Variants in ZBTB46 observed in about 807,000 individuals in gnomAD.
ZBTB46 encodes zinc finger and BTB domain containing 46, also known as zinc finger and BTB domain-containing protein 46.
A neutral mutation model predicts 44.1 loss-of-function variants in ZBTB46; 8 were observed. The observed-to-expected ratio is 0.18, with a 90% confidence interval of 0.11 to 0.33. The LOEUF (loss-of-function observed/expected upper bound fraction) is 0.33. Ranked by LOEUF, ZBTB46 falls within the 10% of genes least tolerant of loss-of-function variation. The pLI is 1.00. For missense variants in ZBTB46, 651 were observed against 847.7 expected, an observed-to-expected ratio of 0.77 and a Z score of 2.88; for synonymous variants, 409 against 382.3, an observed-to-expected ratio of 1.07 and a Z score of -0.81.
intron 1 of ZBTB46, among the ~76,000 whole-genome samples, chr20:63,804,577 C>G (rs1468951151): frequency 6.6e-6 from 1 of 152,142 alleles, no homozygotes; most frequent in Non-Finnish European, 1.5e-5. Context: ...ACAGGCCCAA[C>G]ACATACACTT....
chr20:63,819,862 G>A (rs970099778), intron 1 of ZBTB46, among the ~76,000 whole-genome samples: 29 of 152,130 alleles, frequency 1.9e-4, no homozygotes, highest in Admixed American at 1.9e-3. Flanking sequence ...CCAGCAGAGG[G>A]TGTCTGCTAA....
intron 2 of ZBTB46, among the ~76,000 whole-genome samples, chr20:63,789,495 G>T (rs2092542028): frequency 6.6e-6 from 1 of 152,186 alleles, no homozygotes; most frequent in Non-Finnish European, 1.5e-5. Flanking sequence ...GGGCTGAGGG[G>T]TCCCCTCCCG....
Position 63,775,320 on chromosome 20 carries a change from G to A in ZBTB46, c.1222+358C>T, listed in dbSNP as rs1265489627. The A allele has an allele frequency of 4.7e-5, 10 of 214,580 alleles. No individual in the cohort carries two copies. The South Asian group carries it at 1.7e-3, about 36-fold the overall frequency. 13.3% of individuals were successfully genotyped at this position (214,580 alleles called of 1,614,324 possible). On this transcript the variant is annotated intron_variant, in intron 3 of 4. Transcript: ENST00000245663. ...ACGAAGGCGACAGAGGGGCCGGCAG[G>A]GGGCGCCCGAGCCCGTCTCTGGAGC... is the stretch of plus-strand genomic sequence containing the variant.
chr20:63,817,278 T>C (rs1209587977), intron 1 of ZBTB46, among the ~76,000 whole-genome samples: 1 of 151,918 alleles, frequency 6.6e-6, no homozygotes. Flanking sequence ...TGATGGTGCA[T>C]GCTTGTAGTC....
chr20:63,827,403 C>T (rs1014469048), intron 1 of ZBTB46, among the ~76,000 whole-genome samples: 1 of 151,512 alleles, frequency 6.6e-6, no homozygotes, highest in Non-Finnish European at 1.5e-5. Flanking sequence ...GTCAGGAGAT[C>T]GAGACCATCC....
chr20:63,764,481 T>A (rs1195265832), intron 3 of ZBTB46, among the ~76,000 whole-genome samples: 1 of 152,168 alleles, frequency 6.6e-6, no homozygotes, highest in African/African-American at 2.4e-5. Flanking sequence ...GGTATAGAGT[T>A]CCAGGTTGGC....
chr20:63,800,451 C>A (rs764198461), intron 1 of ZBTB46, among the ~76,000 whole-genome samples: 3 of 152,238 alleles, frequency 2.0e-5, no homozygotes, highest in Non-Finnish European at 4.4e-5. Flanking sequence ...ACCTCAGCGC[C>A]CACTCTGGCT....
At chr20:63,825,158 T>C (rs2146099689) in intron 1 of ZBTB46, among the ~76,000 whole-genome samples, 1 of 151,608 alleles carries the variant, frequency 6.6e-6, no homozygotes, top group Admixed American at 6.6e-5. Flanking sequence ...CCCAGCACTT[T>C]GGGAGACCGA....
chr20:63,824,289 G>A (rs552795574), intron 1 of ZBTB46, among the ~76,000 whole-genome samples: 3 of 152,154 alleles, frequency 2.0e-5, no homozygotes, highest in Admixed American at 6.6e-5. Flanking sequence ...ACCCCTAAAG[G>A]AGCTGAATAA....
intron 1 of ZBTB46, among the ~76,000 whole-genome samples, chr20:63,823,858 T>TTGTGTGTGTGTGTG (rs11474683): frequency 0.02 from 2,927 of 144,740 alleles, 53 homozygotes; most frequent in African/African-American, 0.032. Flanking sequence ...TCTAGGAACC[T>TTGTGTGTGTGTGTG]TGTGTGTGTG....
intron 1 of ZBTB46, among the ~76,000 whole-genome samples, chr20:63,827,076 C>T (rs1397656458): frequency 6.6e-6 from 1 of 152,132 alleles, no homozygotes. Flanking sequence ...CCACAGCAGT[C>T]CACACAGCAG....
At chr20:63,793,492 G>A (rs575598726) in intron 1 of ZBTB46, among the ~76,000 whole-genome samples, 3 of 152,288 alleles carry the variant, frequency 2.0e-5, no homozygotes, top group East Asian at 3.9e-4. Flanking sequence ...TCCGGGCCAC[G>A]TGATGGGAAC....
chr20:63,818,417 G>C (rs557032621), intron 1 of ZBTB46, among the ~76,000 whole-genome samples: 1 of 152,206 alleles, frequency 6.6e-6, no homozygotes, highest in Non-Finnish European at 1.5e-5. Flanking sequence ...GTGCCGCCCC[G>C]CAGTCAGTTC....
At chr20:63,830,143 G>A (rs965316386) in intron 1 of ZBTB46, among the ~76,000 whole-genome samples, 6 of 152,172 alleles carry the variant, frequency 3.9e-5, no homozygotes, top group Admixed American at 3.9e-4. Context: ...GCCCCATCTG[G>A]TCTGTACCCT....
chr20:63,802,483 G>A (rs1025563727), intron 1 of ZBTB46, among the ~76,000 whole-genome samples: 5 of 152,054 alleles, frequency 3.3e-5, no homozygotes, highest in African/African-American at 1.2e-4. Context: ...CTTAAAAGGG[G>A]AAGAAATTTG....
intron 1 of ZBTB46, among the ~76,000 whole-genome samples, chr20:63,816,094 G>A (rs1392201129): frequency 1.1e-4 from 15 of 142,218 alleles, no homozygotes; most frequent in Middle Eastern, 3.8e-3. Flanking sequence ...GGGCACAGGT[G>A]CAGTGGGCGC....
At position 63,747,179 on chromosome 20, in the gene ZBTB46, G is replaced by T. The variant is rs765220199; in HGVS notation, c.1521C>A (p.Arg507=). ...CATGGTCCAGGGGCCCGGCCATGCCGCGGCCAGCACAGTCGGTGCACACAC... is the reference window on the plus strand; with the variant it reads ...CATGGTCCAGGGGCCCGGCCATGCCTCGGCCAGCACAGTCGGTGCACACAC... ...RHGVCTDCAG[R]GMAGPLDHGG... Residue 507 remains arginine (R), a synonymous_variant, in exon 5 of 5, where the codon CGC becomes CGA. Transcript: ENST00000245663. 18 of 1,608,918 alleles carry T rather than the reference G, an allele frequency of 1.1e-5. No homozygotes were observed. The highest frequency in any genetic ancestry group is 1.4e-5 in the Non-Finnish European group (16 of 1,178,292).
intron 2 of ZBTB46, 140 bp downstream of exon 2, chr20:63,789,681 A>C: frequency 7.0e-7 from 1 of 1,418,494 alleles, no homozygotes; most frequent in Non-Finnish European, 9.4e-7. Flanking sequence ...AGCGGTCACG[A>C]CAACCTCCTG....
rs967260697 is a variant in ZBTB46, at chr20:63,746,827, C to T, written c.*103G>A. ...GTTCAGGGGGAAGCAGAGGAGGGGC[C>T]GCGAGAGGGGTGAGCGTGGCCCTGG... is the stretch of plus-strand genomic sequence containing the variant. On this transcript the variant is annotated 3_prime_UTR_variant, in exon 5 of 5. Coordinates refer to ENST00000245663, the MANE Select transcript of ZBTB46 (RefSeq NM_001369741.1). 58 of 1,406,696 alleles carry T rather than the reference C, an allele frequency of 4.1e-5. 1 individual carries two copies. Among genetic ancestry groups the T allele is most frequent in the Middle Eastern group, 2.6e-4 (1 of 3,920 alleles). 87.1% of individuals were successfully genotyped at this position (1,406,696 alleles called of 1,614,324 possible). A position where few individuals can be genotyped will look rare whatever the true frequency, so the allele number is the denominator to read the frequency against.
Sources: allele counts gnomAD v4.1 joint callset (sites outside exome capture counted in the v4.1 genomes callset), GRCh38; gene constraint gnomAD v4.1.1; transcripts MANE v1.5; gene names NCBI Gene and HGNC (gene_info 2026-07-23, HGNC 2026-07-21).